The following ZNF536 variants were observed in gnomAD, a reference collection of about 807,000 sequenced individuals.
The protein encoded by ZNF536 is zinc finger protein 536.
In ZNF536, 13 loss-of-function variants were observed where a neutral mutation model predicts 84.5. The ratio of observed to expected loss-of-function variants is 0.15; its 90% CI spans 0.10 to 0.24. The LOEUF (loss-of-function observed/expected upper bound fraction) is 0.24, where lower values mean the gene tolerates loss of function less well. Among genes scored for constraint, ZNF536 ranks in the 10% least tolerant of loss-of-function variants. The pLI is 1.00. For synonymous variants in ZNF536, 811 were observed against 742.5 expected, an observed-to-expected ratio of 1.09 and a Z score of -1.50; for missense variants, 1,536 against 1,747.5, an observed-to-expected ratio of 0.88 and a Z score of 2.16.
chr19:30,274,654 T>G (rs888947198), intron 1 of ZNF536, among the ~76,000 whole-genome samples: 1 of 152,190 alleles, frequency 6.6e-6, no homozygotes, highest in African/African-American at 2.4e-5. Flanking sequence ...GCTGGCTTGT[T>G]ACATGGGTAA....
intron 1 of ZNF536, among the ~76,000 whole-genome samples, chr19:30,379,831 G>A (rs2048956081): frequency 6.6e-6 from 1 of 152,146 alleles, no homozygotes; most frequent in Admixed American, 6.5e-5. Context: ...TCCTGTGACT[G>A]CCCGTCACTC....
intron 2 of ZNF536, among the ~76,000 whole-genome samples, chr19:30,498,683 G>T (rs1391858094): frequency 6.6e-6 from 1 of 152,180 alleles, no homozygotes; most frequent in Non-Finnish European, 1.5e-5. Flanking sequence ...AGAGAGGAAT[G>T]CATTAAATAA....
chr19:30,631,972 C>T (rs534469806), intron 1 of ZNF536, among the ~76,000 whole-genome samples: 2 of 152,260 alleles, frequency 1.3e-5, no homozygotes, highest in East Asian at 3.9e-4. Flanking sequence ...TCTTATAAAA[C>T]ACGGCCCCTC....
At chr19:30,703,208 A>G (rs768741330) in intron 1 of ZNF536, among the ~76,000 whole-genome samples, 3 of 152,196 alleles carry the variant, frequency 2.0e-5, no homozygotes, top group Non-Finnish European at 4.4e-5. Flanking sequence ...AGAAAAGAGC[A>G]TGATGCATTT....
At chr19:30,442,751 C>T (rs2052112716) in intron 1 of ZNF536, among the ~76,000 whole-genome samples, 1 of 152,212 alleles carries the variant, frequency 6.6e-6, no homozygotes, top group South Asian at 2.1e-4. Flanking sequence ...ATCTTAATCT[C>T]TGAGGTTTGC....
intron 1 of ZNF536, among the ~76,000 whole-genome samples, chr19:30,636,185 G>T (rs2147285490): frequency 6.6e-6 from 1 of 152,274 alleles, no homozygotes; most frequent in Non-Finnish European, 1.5e-5. Flanking sequence ...AACAGGAGCT[G>T]GCTTTTCTTA....
intron 2 of ZNF536, among the ~76,000 whole-genome samples, chr19:30,471,592 A>T (rs1376811719): frequency 6.6e-6 from 1 of 152,196 alleles, no homozygotes; most frequent in African/African-American, 2.4e-5. Flanking sequence ...GCTGTCCTTG[A>T]TCCCTGGACA....
chr19:30,444,996 C>G lies in ZNF536; in HGVS notation c.1434C>G (p.His478Gln), dbSNP rs752956831. Residue 478 changes from histidine (H) to glutamine (Q), a missense_variant, in exon 2 of 5, where the codon CAC becomes CAG. Physicochemically the swap from His to Gln is conservative, Grantham distance 24. Coordinates refer to ENST00000355537, the MANE Select transcript of ZNF536 (RefSeq NM_014717.3). ...TGTCTCCCATCTCCAGCATGGCCCA[C>G]GGCGTCCCGGAGGGGGACAAGCACT... ...KLLSPISSMA[H>Q]GVPEGDKHSL... The G allele has an allele frequency of 6.2e-7, 1 of 1,610,956 alleles. No individual in the cohort carries two copies. Among genetic ancestry groups the G allele is most frequent in the South Asian group, 1.1e-5 (1 of 90,760 alleles).
chr19:30,406,632 T>C (rs1484259894), intron 1 of ZNF536, among the ~76,000 whole-genome samples: 1 of 152,206 alleles, frequency 6.6e-6, no homozygotes, highest in African/African-American at 2.4e-5. Context: ...ACTGGGAAAC[T>C]GTACGGCCAG....
chr19:30,512,289 C>T (rs567179746), intron 2 of ZNF536, among the ~76,000 whole-genome samples: 19 of 152,180 alleles, frequency 1.2e-4, no homozygotes, highest in Non-Finnish European at 2.6e-4. Flanking sequence ...TCGTTCAGAA[C>T]ATCTCCCGAA....
rs554249823 is a variant in ZNF536 at position 30,408,858 on chromosome 19, C to T, written c.-2-34703C>T. Reference sequence around the variant, plus strand: ...TCCATCTATATATTCATCCATCCTCCATCCATCGATCTTCTATCCATCCTT... The same window carrying T: ...TCCATCTATATATTCATCCATCCTCTATCCATCGATCTTCTATCCATCCTT... On this transcript the variant is annotated intron_variant, in intron 1 of 4. Coordinates refer to ENST00000355537, the MANE Select transcript of ZNF536 (RefSeq NM_014717.3). 2.4e-4 allele frequency among the ~76,000 whole-genome samples: 16 copies of T among 67,664 alleles called. No individual in the cohort carries two copies. In the South Asian group the frequency reaches 6.7e-3, roughly 28 times the overall value. 44.4% of individuals were successfully genotyped at this position (67,664 alleles called of 152,430 possible).
At chr19:30,702,828 C>T (rs16964551) in intron 1 of ZNF536, among the ~76,000 whole-genome samples, 3,820 of 152,186 alleles carry the variant, frequency 0.025, 275 homozygotes, top group East Asian at 0.19. Context: ...AAATGCTTGG[C>T]GGAAATCTGT....
At chr19:30,585,994 C>T (rs2047081261) in intron 1 of ZNF536, among the ~76,000 whole-genome samples, 1 of 152,168 alleles carries the variant, frequency 6.6e-6, no homozygotes, top group African/African-American at 2.4e-5. Context: ...ACGTATCAGT[C>T]AATCAGACAA....
At chr19:30,525,024 C>T (rs1568515245) in intron 2 of ZNF536, among the ~76,000 whole-genome samples, 2 of 152,058 alleles carry the variant, frequency 1.3e-5, no homozygotes, top group East Asian at 1.9e-4. Flanking sequence ...TATGTGAAGT[C>T]GTTTCTCCTT....
chr19:30,553,793 G>GCACTC (rs899444318), intron 4 of ZNF536, among the ~76,000 whole-genome samples: 10 of 152,292 alleles, frequency 6.6e-5, no homozygotes, highest in African/African-American at 2.2e-4. Context: ...TCATGACATT[G>GCACTC]CACTCGAGCC....
intron 2 of ZNF536, among the ~76,000 whole-genome samples, chr19:30,301,310 G>C (rs934166100): frequency 2.0e-5 from 3 of 152,200 alleles, no homozygotes; most frequent in Non-Finnish European, 2.9e-5. Flanking sequence ...GGAAGCTGAG[G>C]TGCGTGCACT....
At chr19:30,362,908 A>T (rs2048318219) in intron 3 of ZNF536, among the ~76,000 whole-genome samples, 1 of 152,016 alleles carries the variant, frequency 6.6e-6, no homozygotes, top group African/African-American at 2.4e-5. Flanking sequence ...AAAATACAAA[A>T]ATTAGCCAGG....
chr19:30,233,442 A>G (rs1448917753), intron 1 of ZNF536, among the ~76,000 whole-genome samples: 1 of 151,870 alleles, frequency 6.6e-6, no homozygotes, highest in Non-Finnish European at 1.5e-5. Context: ...CCTGGGTTCA[A>G]GAGATCCTCC....
At chr19:30,366,916 G>A (rs1233254746) in intron 3 of ZNF536, among the ~76,000 whole-genome samples, 1 of 152,256 alleles carries the variant, frequency 6.6e-6, no homozygotes. Flanking sequence ...GAGACTGTGT[G>A]ATAAGGGAAG....
Sources: gnomAD v4.1 joint callset for allele counts (sites outside exome capture counted in the v4.1 genomes callset) on GRCh38, gnomAD v4.1.1 for gene constraint, MANE v1.5 for transcripts, NCBI Gene and HGNC (gene_info 2026-07-23, HGNC 2026-07-21) for gene names.